Variants in GOSR1 observed in about 807,000 individuals in gnomAD.
The protein encoded by GOSR1 is 28 kDa Golgi SNARE protein.
Under a neutral mutation model 35.5 loss-of-function variants are expected in GOSR1, and 21 were observed. The ratio of observed to expected loss-of-function variants is 0.59; its 90% CI spans 0.42 to 0.85. The LOEUF (loss-of-function observed/expected upper bound fraction) is 0.85, where lower values mean the gene tolerates loss of function less well. Among genes scored for constraint, GOSR1 ranks in the 40% least tolerant of loss-of-function variants. The probability of loss-of-function intolerance (pLI) is 0.00; values close to 1 mark genes in which losing one functional copy is unlikely to be tolerated. For missense variants in GOSR1, 285 were observed against 309.6 expected (o/e 0.92, Z 0.60); for synonymous variants, 94 against 106.6 (o/e 0.88, Z 0.73).
intron 6 of GOSR1, among the ~76,000 whole-genome samples, chr17:30,509,705 T>C (rs539203625): frequency 6.6e-6 from 1 of 152,288 alleles, no homozygotes; most frequent in African/African-American, 2.4e-5. Flanking sequence ...TTTCTTTCTT[T>C]CCAGTGTGTG....
chr17:30,506,942 C>G (rs1273959498), intron 6 of GOSR1, among the ~76,000 whole-genome samples: 1 of 152,184 alleles, frequency 6.6e-6, no homozygotes, highest in Non-Finnish European at 1.5e-5. Context: ...GACAGCACAT[C>G]TGTTTACCAC....
Position 30,523,137 on chromosome 17 carries a change from C to G in GOSR1, c.*759C>G, listed in dbSNP as rs112801093. ...CCTCCCAAAGTGCCGAGATTGCAGC[C>G]TCTGCCCGGCCGCCACCCCGTCTGG... On this transcript the variant is annotated 3_prime_UTR_variant, in exon 9 of 9. Transcript: ENST00000451249. The G allele has an allele frequency of 5.3e-6, 1 of 189,806 alleles. No individual in the cohort carries two copies. Among genetic ancestry groups the G allele is most frequent in the Non-Finnish European group, 1.1e-5 (1 of 93,328 alleles). 11.8% of individuals were successfully genotyped at this position (189,806 alleles called of 1,614,324 possible). A position where few individuals can be genotyped will look rare whatever the true frequency, so the allele number is the denominator to read the frequency against.
In GOSR1 at chr17:30,525,589, A is replaced by G. The variant is rs1968169787; in HGVS notation, c.*3211A>G. On this transcript the variant is annotated 3_prime_UTR_variant, in exon 9 of 9. Transcript: ENST00000451249. Reference sequence around the variant, plus strand: ...GGACTTTGCTATGTAGTTGGCATTTATAAAATCTGAAGTATCATAAATAAA... The same window carrying G: ...GGACTTTGCTATGTAGTTGGCATTTGTAAAATCTGAAGTATCATAAATAAA... 6.6e-6 allele frequency: 1 copy of G among 152,182 alleles called. No homozygotes were observed. The highest frequency in any genetic ancestry group is 1.5e-5 in the Non-Finnish European group (1 of 68,022). 9.4% of individuals were successfully genotyped at this position (152,182 alleles called of 1,614,324 possible). A position where few individuals can be genotyped will look rare whatever the true frequency, so the allele number is the denominator to read the frequency against.
In GOSR1 at chr17:30,487,878, C is replaced by T. The variant is rs532050360; in HGVS notation, c.343-2248C>T. ...GCAGCCTCCACGTCCTGGGTTCAAGCGATTCTTCTGCCTCGGCCTCCCGAG... is the reference window on the plus strand; with the variant it reads ...GCAGCCTCCACGTCCTGGGTTCAAGTGATTCTTCTGCCTCGGCCTCCCGAG... On this transcript the variant is annotated intron_variant, in intron 4 of 8. Transcript: ENST00000451249. 3.9e-5 allele frequency among the ~76,000 whole-genome samples: 6 copies of T among 152,086 alleles called. No homozygotes were observed. In the South Asian group the frequency reaches 6.2e-4, roughly 16 times the overall value.
At chr17:30,497,438 A>G (rs546598205) in intron 6 of GOSR1, among the ~76,000 whole-genome samples, 3 of 152,160 alleles carry the variant, frequency 2.0e-5, no homozygotes, top group Non-Finnish European at 4.4e-5. Flanking sequence ...TGTGGACTCT[A>G]TCTTTTTGGG....
chr17:30,488,975 A>G (rs567568953), intron 4 of GOSR1, among the ~76,000 whole-genome samples: 1 of 152,342 alleles, frequency 6.6e-6, no homozygotes, highest in East Asian at 1.9e-4. Flanking sequence ...TTTTCCTAAT[A>G]TGGAAAGATT....
intron 4 of GOSR1, among the ~76,000 whole-genome samples, chr17:30,489,030 T>A (rs766467582): frequency 6.6e-6 from 1 of 152,228 alleles, no homozygotes; most frequent in Admixed American, 6.5e-5. Flanking sequence ...TACATCAGAA[T>A]GTATATTATG....
At chr17:30,481,401 T>C (rs2143598379) in intron 2 of GOSR1, 144 bp downstream of exon 2, 2 of 515,286 alleles carry the variant, frequency 3.9e-6, no homozygotes, top group East Asian at 6.3e-5. Context: ...TTTTATTTTT[T>C]AGTGACTTAT....
At chr17:30,500,000 T>C (rs1342411714) in intron 6 of GOSR1, among the ~76,000 whole-genome samples, 1 of 152,224 alleles carries the variant, frequency 6.6e-6, no homozygotes, top group African/African-American at 2.4e-5. Context: ...TAAGGGGGTC[T>C]GTTCAAGTCT....
At chr17:30,486,129 C>T (rs907560144) in intron 4 of GOSR1, among the ~76,000 whole-genome samples, 2 of 151,886 alleles carry the variant, frequency 1.3e-5, no homozygotes, top group Non-Finnish European at 2.9e-5. Context: ...AAAAACATTC[C>T]CATTGTATGA....
At chr17:30,501,026 G>T (rs867266161) in intron 6 of GOSR1, among the ~76,000 whole-genome samples, 3 of 152,004 alleles carry the variant, frequency 2.0e-5, no homozygotes, top group East Asian at 1.9e-4. Context: ...GACTACAGGC[G>T]CCTGCCACGA....
intron 1 of GOSR1, 30 bp from the exon 2 acceptor site, chr17:30,481,113 T>G: frequency 6.9e-7 from 1 of 1,458,140 alleles, no homozygotes; most frequent in Non-Finnish European, 9.6e-7. Flanking sequence ...TTTTTATGTC[T>G]AATTATTTGT....
chr17:30,511,030 C>T (rs935980971), intron 7 of GOSR1, 121 bp downstream of exon 7: 13 of 585,948 alleles, frequency 2.2e-5, no homozygotes, highest in Admixed American at 8.9e-5. Flanking sequence ...GATCAAAGTT[C>T]GTTTATCCTC....
chr17:30,501,454 G>A (rs1967201532), intron 6 of GOSR1, among the ~76,000 whole-genome samples: 1 of 151,898 alleles, frequency 6.6e-6, no homozygotes, highest in Admixed American at 6.6e-5. Context: ...AATGCAAAAT[G>A]GTACAGCGAC....
In GOSR1 at chr17:30,522,750, C is replaced by T. The variant is rs1968082299; in HGVS notation, c.*372C>T. The T allele has an allele frequency of 6.3e-6, 1 of 159,456 alleles. No homozygotes were observed. Among genetic ancestry groups the T allele is most frequent in the Admixed American group, 6.4e-5 (1 of 15,508 alleles). 9.9% of individuals were successfully genotyped at this position (159,456 alleles called of 1,614,324 possible). ...TCTTCAGAAAACCAGGTTTCTACATCCAAAGACTGCTTTTCTTTTAGCTGC... is the reference window on the plus strand; with the variant it reads ...TCTTCAGAAAACCAGGTTTCTACATTCAAAGACTGCTTTTCTTTTAGCTGC... On this transcript the variant is annotated 3_prime_UTR_variant, in exon 9 of 9. Coordinates refer to ENST00000451249, the MANE Select transcript of GOSR1 (RefSeq NM_001007025.2).
intron 4 of GOSR1, among the ~76,000 whole-genome samples, chr17:30,487,189 A>C (rs1914732677): frequency 6.6e-6 from 1 of 152,220 alleles, no homozygotes; most frequent in Admixed American, 6.5e-5. Context: ...TCTGATAAAG[A>C]TGTTGTTTAA....
At chr17:30,522,222 C>A in intron 8 of GOSR1, 32 bp from the exon 9 acceptor site, 1 of 1,566,314 alleles carries the variant, frequency 6.4e-7, no homozygotes, top group South Asian at 1.2e-5. Context: ...GAGGCTTCTT[C>A]CAAATATGAC....
intron 7 of GOSR1, among the ~76,000 whole-genome samples, chr17:30,516,253 G>A (rs751207021): frequency 1.1e-4 from 16 of 151,960 alleles, no homozygotes; most frequent in Non-Finnish European, 1.9e-4. Context: ...GGCGGATCAC[G>A]AGGGCAGGAG....
rs1341241158 is a variant in GOSR1 at position 30,523,579 on chromosome 17, G to A, written c.*1201G>A. The A allele has an allele frequency of 6.4e-5, 10 of 157,092 alleles. No individual in the cohort carries two copies. The highest frequency in any genetic ancestry group is 2.0e-4 in the African/African-American group (8 of 40,802). 9.7% of individuals were successfully genotyped at this position (157,092 alleles called of 1,614,324 possible). A position where few individuals can be genotyped will look rare whatever the true frequency, so the allele number is the denominator to read the frequency against. ...GCCCCGTCCGGGAGGGAGGTGGGGG[G>A]GATCAGCCCCCCGCCCGGCCAGCCG... On this transcript the variant is annotated 3_prime_UTR_variant, in exon 9 of 9. Coordinates refer to ENST00000451249, the MANE Select transcript of GOSR1 (RefSeq NM_001007025.2).
Sources: gnomAD v4.1 joint callset for allele counts (sites outside exome capture counted in the v4.1 genomes callset) on GRCh38, gnomAD v4.1.1 for gene constraint, MANE v1.5 for transcripts, NCBI Gene and HGNC (gene_info 2026-07-23, HGNC 2026-07-21) for gene names.